The following LHFPL3 variants were observed in gnomAD, a reference collection of about 807,000 sequenced individuals.
LHFPL3 encodes the protein LHFPL tetraspan subfamily member 3, also known as LHFPL tetraspan subfamily member 3 protein.
Under a neutral mutation model 19.3 loss-of-function variants are expected in LHFPL3, and 5 were observed. The ratio of observed to expected loss-of-function variants is 0.26; its 90% confidence interval spans 0.14 to 0.54. The LOEUF is 0.54. LHFPL3 is among the 20% of genes least tolerant of loss of function. The pLI is 0.94. For synonymous variants in LHFPL3, 133 were observed against 126.2 expected, an observed-to-expected ratio of 1.05 and a Z score of -0.36; for missense variants, 249 against 307.4, an observed-to-expected ratio of 0.81 and a Z score of 1.42.
At chr7:104,675,642 A>T (rs1792575818) in intron 1 of LHFPL3, among the ~76,000 whole-genome samples, 1 of 152,206 alleles carries the variant, frequency 6.6e-6, no homozygotes, top group Non-Finnish European at 1.5e-5. Context: ...AGAGGAGGTA[A>T]AGAGAAATAA....
At chr7:104,706,008 G>A (rs1191159079) in intron 1 of LHFPL3, among the ~76,000 whole-genome samples, 1 of 152,156 alleles carries the variant, frequency 6.6e-6, no homozygotes, top group East Asian at 1.9e-4. Context: ...TGACTCTGAG[G>A]TTGGCACATG....
chr7:104,755,538 T>A (rs745979249), intron 2 of LHFPL3, among the ~76,000 whole-genome samples: 10 of 151,700 alleles, frequency 6.6e-5, no homozygotes, highest in Non-Finnish European at 1.2e-4. Context: ...TGTCTGTCTG[T>A]CTCTCTCTCT....
intron 1 of LHFPL3, among the ~76,000 whole-genome samples, chr7:104,352,923 A>G (rs1371587820): frequency 2.0e-5 from 3 of 152,164 alleles, no homozygotes; most frequent in Non-Finnish European, 4.4e-5. Flanking sequence ...GAAAAACTCG[A>G]AAGTTGGCAG....
chr7:104,484,346 A>G (rs1037748811), intron 1 of LHFPL3, among the ~76,000 whole-genome samples: 4 of 152,080 alleles, frequency 2.6e-5, no homozygotes, highest in African/African-American at 9.7e-5. Flanking sequence ...TCACAAAGAA[A>G]CACCTTCCAT....
At chr7:104,593,750 T>G (rs949543557) in intron 1 of LHFPL3, among the ~76,000 whole-genome samples, 20 of 152,220 alleles carry the variant, frequency 1.3e-4, no homozygotes, top group Non-Finnish European at 2.6e-4. Flanking sequence ...ATATTTAGGA[T>G]AGTTAGCTCT....
intron 2 of LHFPL3, among the ~76,000 whole-genome samples, chr7:104,741,554 G>C (rs1399425178): frequency 7.2e-6 from 1 of 139,228 alleles, no homozygotes; most frequent in African/African-American, 2.7e-5. Context: ...TTTTTTCTTA[G>C]AGACAGAGTC....
chr7:104,421,266 C>T (rs1374562930), intron 1 of LHFPL3, among the ~76,000 whole-genome samples: 1 of 152,084 alleles, frequency 6.6e-6, no homozygotes, highest in Non-Finnish European at 1.5e-5. Context: ...AAAAGGATAG[C>T]TCTGCTCCTG....
chr7:104,748,198 C>T (rs1794087354), intron 2 of LHFPL3, among the ~76,000 whole-genome samples: 1 of 151,410 alleles, frequency 6.6e-6, no homozygotes, highest in Admixed American at 6.6e-5. Context: ...CTCAAGTACC[C>T]AGGGACACAA....
intron 1 of LHFPL3, among the ~76,000 whole-genome samples, chr7:104,368,740 A>G (rs1790547903): frequency 6.9e-6 from 1 of 145,748 alleles, no homozygotes; most frequent in Non-Finnish European, 1.5e-5. Flanking sequence ...TGTGGTTTCC[A>G]TGTGGATAAC....
intron 1 of LHFPL3, among the ~76,000 whole-genome samples, chr7:104,689,293 C>G (rs969228123): frequency 2.0e-5 from 3 of 152,162 alleles, no homozygotes. Flanking sequence ...GTAGTTACCA[C>G]AGTGGACAGC....
rs534479945 is a variant in LHFPL3 at position 104,330,352 on chromosome 7, G to A, written c.445+1128G>A. Among the ~76,000 whole-genome samples the A allele has an allele frequency of 6.6e-5, 10 of 152,238 alleles. No individual in the cohort carries two copies. In the South Asian group the frequency reaches 1.2e-3, roughly 19 times the overall value. ...TTAGGCAGCTAAAGTTTTCATTTGC[G>A]TTTTCTTTTACTGTTCTCATTTTTA... On this transcript the variant is annotated intron_variant, in intron 1 of 2. Transcript: ENST00000424859.
At chr7:104,866,433 C>A (rs1423980055) in intron 2 of LHFPL3, among the ~76,000 whole-genome samples, 2 of 152,172 alleles carry the variant, frequency 1.3e-5, no homozygotes, top group Non-Finnish European at 2.9e-5. Context: ...ATCCTAATCT[C>A]TGATAAAACA....
At chr7:104,791,344 G>T (rs957680520) in intron 2 of LHFPL3, among the ~76,000 whole-genome samples, 33 of 152,252 alleles carry the variant, frequency 2.2e-4, no homozygotes, top group Non-Finnish European at 8.8e-5. Context: ...TAATTTAAAA[G>T]AGTTTAATTA....
chr7:104,383,593 T>C (rs1439717543), intron 1 of LHFPL3, among the ~76,000 whole-genome samples: 1 of 152,218 alleles, frequency 6.6e-6, no homozygotes, highest in South Asian at 2.1e-4. Flanking sequence ...TGGTCTTTTC[T>C]CCTAAGGAGC....
intron 1 of LHFPL3, among the ~76,000 whole-genome samples, chr7:104,445,877 C>G (rs554160367): frequency 6.6e-6 from 1 of 152,160 alleles, no homozygotes; most frequent in African/African-American, 2.4e-5. Context: ...AGGCTAGAAC[C>G]AAGGCCATTT....
At chr7:104,616,689 A>G (rs1791349246) in intron 1 of LHFPL3, among the ~76,000 whole-genome samples, 1 of 152,226 alleles carries the variant, frequency 6.6e-6, no homozygotes, top group African/African-American at 2.4e-5. Context: ...CTATCATCAG[A>G]GTGAACAGGC....
In LHFPL3 at chr7:104,489,075, A is replaced by C. The variant is rs886272943; in HGVS notation, c.445+159851A>C. 1.5e-4 allele frequency among the ~76,000 whole-genome samples: 12 copies of C among 80,510 alleles called. 2 individuals carry two copies. The highest frequency in any genetic ancestry group is 4.3e-4 in the African/African-American group (12 of 27,800). 52.8% of individuals were successfully genotyped at this position (80,510 alleles called of 152,430 possible). ...TGCTGCTCTACTCTCACTGTGCTGA[A>C]ATCTTTTTTTTTTTTTTTTTTTTTT... On this transcript the variant is annotated intron_variant, in intron 1 of 2. Coordinates refer to ENST00000424859, the MANE Select transcript of LHFPL3 (RefSeq NM_199000.3).
At chr7:104,757,301 T>A (rs547169748) in intron 2 of LHFPL3, among the ~76,000 whole-genome samples, 2 of 152,204 alleles carry the variant, frequency 1.3e-5, no homozygotes, top group African/African-American at 4.8e-5. Context: ...CCTTGGGACA[T>A]AATTTATAAC....
chr7:104,719,866 G>A (rs922178926), intron 1 of LHFPL3, among the ~76,000 whole-genome samples: 2 of 152,096 alleles, frequency 1.3e-5, no homozygotes, highest in Non-Finnish European at 2.9e-5. Flanking sequence ...GTATGACCTC[G>A]AGCAAGTATT....
Sources: gnomAD v4.1 joint callset for allele counts (sites outside exome capture counted in the v4.1 genomes callset) on GRCh38, gnomAD v4.1.1 for gene constraint, MANE v1.5 for transcripts, NCBI Gene and HGNC (gene_info 2026-07-23, HGNC 2026-07-21) for gene names.